Variants in VTI1A observed in about 807,000 individuals in gnomAD.
VTI1A encodes the protein vesicle transport through interaction with t-SNAREs 1A, also known as vesicle transport through interaction with t-SNAREs homolog 1A.
VTI1A carries 22 observed loss-of-function variants against 34.9 expected under a neutral mutation model. That is an observed-to-expected ratio of 0.63 (90% CI 0.45 to 0.90). VTI1A has a LOEUF of 0.90. VTI1A is among the 40% of genes least tolerant of loss of function. The probability of loss-of-function intolerance (pLI) is 0.00; values close to 1 mark genes in which losing one functional copy is unlikely to be tolerated. For missense variants in VTI1A, 268 were observed against 275.6 expected (o/e 0.97, Z 0.20); for synonymous variants, 87 against 97.3 (o/e 0.89, Z 0.62).
At chr10:112,738,939 G>A (rs575196195) in intron 7 of VTI1A, among the ~76,000 whole-genome samples, 14 of 152,264 alleles carry the variant, frequency 9.2e-5, no homozygotes, top group East Asian at 3.9e-4. Context: ...GGCTTAACAC[G>A]TTCCACGGCC....
intron 3 of VTI1A, among the ~76,000 whole-genome samples, chr10:112,479,468 T>A (rs1303072370): frequency 6.6e-6 from 1 of 152,202 alleles, no homozygotes; most frequent in African/African-American, 2.4e-5. Flanking sequence ...GGAAATGCAC[T>A]TGTCTTAAGA....
At chr10:112,662,782 A>C (rs1456990249) in intron 5 of VTI1A, among the ~76,000 whole-genome samples, 1 of 152,168 alleles carries the variant, frequency 6.6e-6, no homozygotes, top group Non-Finnish European at 1.5e-5. Flanking sequence ...TTTTTTCCGA[A>C]AACATTTGAC....
chr10:112,633,807 TTTAG>T (rs1333955286), intron 5 of VTI1A, among the ~76,000 whole-genome samples: 1 of 151,964 alleles, frequency 6.6e-6, no homozygotes, highest in Non-Finnish European at 1.5e-5. Context: ...TACTTTGCAG[TTTAG>T]TTAGTTAATT....
intron 4 of VTI1A, among the ~76,000 whole-genome samples, chr10:112,531,061 CCTCACACACACACACACACACACACA>C (rs1263233922): frequency 1.1e-5 from 1 of 90,240 alleles, no homozygotes; most frequent in Non-Finnish European, 2.5e-5. Context: ...ACGTGACACA[CCTCACACACACACACACACACACACA>C]CACACACACA....
intron 7 of VTI1A, among the ~76,000 whole-genome samples, chr10:112,777,581 C>T (rs1188912237): frequency 6.6e-6 from 1 of 152,208 alleles, no homozygotes; most frequent in Admixed American, 6.5e-5. Context: ...TAAGACCTGC[C>T]TGGTAGAGAT....
At chr10:112,730,005 C>T (rs1850191934) in intron 7 of VTI1A, among the ~76,000 whole-genome samples, 2 of 152,208 alleles carry the variant, frequency 1.3e-5, no homozygotes, top group South Asian at 4.1e-4. Context: ...GACCTCTCTC[C>T]CCAGCAGCAA....
intron 7 of VTI1A, among the ~76,000 whole-genome samples, chr10:112,777,464 CAGA>C (rs1354051520): frequency 6.6e-6 from 1 of 152,216 alleles, no homozygotes; most frequent in African/African-American, 2.4e-5. Flanking sequence ...CTTAATTATG[CAGA>C]AGGTTTATCC....
At chr10:112,561,911 C>A (rs1415628156) in intron 5 of VTI1A, among the ~76,000 whole-genome samples, 1 of 152,220 alleles carries the variant, frequency 6.6e-6, no homozygotes, top group East Asian at 1.9e-4. Context: ...TTGCTTTTAT[C>A]ATCAACATTT....
chr10:112,679,612 A>C (rs1260265948), intron 7 of VTI1A, among the ~76,000 whole-genome samples: 1 of 152,104 alleles, frequency 6.6e-6, no homozygotes, highest in African/African-American at 2.4e-5. Context: ...AGAATGGCAA[A>C]TTTGACCACA....
chr10:112,519,099 CTA>C (rs1464807225), intron 3 of VTI1A, among the ~76,000 whole-genome samples: 1 of 152,018 alleles, frequency 6.6e-6, no homozygotes, highest in Non-Finnish European at 1.5e-5. Flanking sequence ...ACAGCATAGT[CTA>C]TAATAAAGAA....
At chr10:112,774,610 C>T (rs1851903987) in intron 7 of VTI1A, among the ~76,000 whole-genome samples, 1 of 151,268 alleles carries the variant, frequency 6.6e-6, no homozygotes, top group Non-Finnish European at 1.5e-5. Flanking sequence ...TTAAGTTCCA[C>T]CTTTTTTTTT....
intron 7 of VTI1A, among the ~76,000 whole-genome samples, chr10:112,690,705 A>C (rs1344103928): frequency 2.0e-5 from 3 of 152,188 alleles, no homozygotes; most frequent in Admixed American, 6.5e-5. Flanking sequence ...AAAACACCTT[A>C]TTTATTAGCT....
At chr10:112,806,034 G>A (rs1253703120) in intron 7 of VTI1A, among the ~76,000 whole-genome samples, 1 of 152,144 alleles carries the variant, frequency 6.6e-6, no homozygotes, top group Admixed American at 6.5e-5. Context: ...AGGGCGAAGC[G>A]ACTCCAGTCC....
At chr10:112,561,979 C>T (rs1369979994) in intron 5 of VTI1A, among the ~76,000 whole-genome samples, 1 of 152,184 alleles carries the variant, frequency 6.6e-6, no homozygotes, top group Non-Finnish European at 1.5e-5. Context: ...TTTACCAATT[C>T]CACCTGAAGT....
At chr10:112,572,695 G>A (rs1053141955) in intron 5 of VTI1A, among the ~76,000 whole-genome samples, 7 of 152,046 alleles carry the variant, frequency 4.6e-5, no homozygotes, top group Non-Finnish European at 4.4e-5. Context: ...AAAATTAGCC[G>A]GGCGCGGTGG....
chr10:112,634,503 A>C (rs1846265807), intron 5 of VTI1A, among the ~76,000 whole-genome samples: 1 of 111,168 alleles, frequency 9.0e-6, no homozygotes, highest in African/African-American at 3.5e-5. Context: ...ACACACAGAC[A>C]CACACACACA....
At chr10:112,812,995 G>A (rs950926267) in intron 7 of VTI1A, among the ~76,000 whole-genome samples, 8 of 152,326 alleles carry the variant, frequency 5.3e-5, no homozygotes, top group African/African-American at 1.9e-4. Context: ...ACCAGAGACT[G>A]CATTCTTTCA....
At chr10:112,694,195 T>C (rs1848702877) in intron 7 of VTI1A, among the ~76,000 whole-genome samples, 1 of 152,030 alleles carries the variant, frequency 6.6e-6, no homozygotes, top group African/African-American at 2.4e-5. Context: ...GACAGAGTGA[T>C]ACTCCATCTC....
chr10:112,774,075 C>T (rs1328288851), intron 7 of VTI1A, among the ~76,000 whole-genome samples: 3 of 152,152 alleles, frequency 2.0e-5, no homozygotes, highest in Non-Finnish European at 2.9e-5. Context: ...GTAGCTGCAG[C>T]GCAGGACACC....
Sources: gnomAD v4.1 joint callset for allele counts (sites outside exome capture counted in the v4.1 genomes callset) on GRCh38, gnomAD v4.1.1 for gene constraint, MANE v1.5 for transcripts, NCBI Gene and HGNC (gene_info 2026-07-23, HGNC 2026-07-21) for gene names.